BCL11A: variants seen among roughly 807,000 people sequenced by gnomAD.
The protein encoded by BCL11A is B cell CLL/lymphoma 11A.
BCL11A carries 2 observed loss-of-function variants against 55.9 expected under a neutral mutation model. The observed-to-expected ratio is 0.04, with a 90% CI of 0.01 to 0.11. The LOEUF (loss-of-function observed/expected upper bound fraction) is 0.11. BCL11A is among the 10% of genes least tolerant of loss of function. The pLI is 1.00. For synonymous variants in BCL11A, 465 were observed against 473.4 expected (o/e 0.98, Z 0.23); for missense variants, 817 against 1,137.1 (o/e 0.72, Z 4.05).
intron 2 of BCL11A, among the ~76,000 whole-genome samples, chr2:60,538,871 C>T (rs1669793933): frequency 6.6e-6 from 1 of 151,762 alleles, no homozygotes. Context: ...ACGGGAAAAG[C>T]TGGAACTGTG....
chr2:60,505,111 T>C (rs1295478024), intron 2 of BCL11A, among the ~76,000 whole-genome samples: 4 of 151,924 alleles, frequency 2.6e-5, no homozygotes, highest in African/African-American at 9.7e-5. Context: ...ATGAGGTGAG[T>C]CTCAATTTGA....
rs555675164 is a variant in BCL11A, at chr2:60,529,455, C to T, written c.385+16516G>A. Among the ~76,000 whole-genome samples, 5 of 152,252 alleles carry T rather than the reference C, an allele frequency of 3.3e-5. No homozygotes were observed. The East Asian group carries it at 9.6e-4, about 29-fold the overall frequency. ...ACCCTCAGCCTAAACCATTTTATTT[C>T]GTGTAATCAAAGAGAAGAAGAAAAG... On this transcript the variant is annotated intron_variant, in intron 2 of 3. Transcript: ENST00000642384.
Position 60,460,098 on chromosome 2 carries a change from T to C in BCL11A, c.*306A>G. 9.0e-7 allele frequency: 1 copy of C among 1,116,364 alleles called. No individual in the cohort carries two copies. Among genetic ancestry groups the C allele is most frequent in the Non-Finnish European group, 1.1e-6 (1 of 917,466 alleles). The allele number at this position is 1,116,364 out of a possible 1,614,324, so 69.2% of individuals were successfully genotyped here. A position where few individuals can be genotyped will look rare whatever the true frequency, so the allele number is the denominator to read the frequency against. On this transcript the variant is annotated 3_prime_UTR_variant, in exon 4 of 4. Transcript: ENST00000642384. ...GTAAATTATTGCACAAGAGAAAGGC[T>C]CAAAGTTTGCGTAAAATGCAATAGT...
At chr2:60,515,567 C>T (rs1169352761) in intron 2 of BCL11A, among the ~76,000 whole-genome samples, 1 of 152,206 alleles carries the variant, frequency 6.6e-6, no homozygotes, top group Non-Finnish European at 1.5e-5. Context: ...CTGACAGAGT[C>T]AGGCCTTCCT....
At chr2:60,454,543 G>GAACACACAGT (rs1675860367), downstream of BCL11A, among the ~76,000 whole-genome samples, 1 of 152,082 alleles carries the variant, frequency 6.6e-6, no homozygotes, top group Non-Finnish European at 1.5e-5. Flanking sequence ...TCGTAATGAG[G>GAACACACAGT]AACACACAGT....
At chr2:60,462,453 T>C in intron 3 of BCL11A, 29 bp from the exon 4 acceptor site, 1 of 1,565,866 alleles carries the variant, frequency 6.4e-7, no homozygotes, top group Non-Finnish European at 8.6e-7. Flanking sequence ...CCAACATCAA[T>C]GTTTAATCAC....
intron 2 of BCL11A, among the ~76,000 whole-genome samples, chr2:60,484,676 G>A (rs1428371399): frequency 6.6e-6 from 1 of 151,812 alleles, no homozygotes; most frequent in African/African-American, 2.4e-5. Context: ...AAGAGAAGGG[G>A]GAATTTGGAG....
intron 2 of BCL11A, among the ~76,000 whole-genome samples, chr2:60,505,429 A>T (rs1269775887): frequency 1.3e-5 from 2 of 152,224 alleles, no homozygotes; most frequent in East Asian, 3.8e-4. Context: ...AAAATCACTC[A>T]TCAGGTAGTC....
At chr2:60,454,643 T>C (rs1341099451), downstream of BCL11A, among the ~76,000 whole-genome samples, 1 of 152,104 alleles carries the variant, frequency 6.6e-6, no homozygotes, top group Non-Finnish European at 1.5e-5. Context: ...CCTCCCTCAG[T>C]CTCTGTGAGC....
chr2:60,509,136 G>A (rs1238541465), intron 2 of BCL11A, among the ~76,000 whole-genome samples: 1 of 152,206 alleles, frequency 6.6e-6, no homozygotes, highest in African/African-American at 2.4e-5. Flanking sequence ...TGAGAAACAA[G>A]AAAGCAATTT....
intron 2 of BCL11A, among the ~76,000 whole-genome samples, chr2:60,502,552 T>C (rs1679350634): frequency 6.6e-6 from 1 of 152,246 alleles, no homozygotes; most frequent in East Asian, 1.9e-4. Flanking sequence ...AGCTTCCTTC[T>C]CTTATCTTCC....
chr2:60,467,714 A>G (rs1419451406), intron 3 of BCL11A, among the ~76,000 whole-genome samples: 7 of 43,388 alleles, frequency 1.6e-4, no homozygotes, highest in South Asian at 9.0e-4. Context: ...ACTGGTGGTG[A>G]TGGTACTGGT....
chr2:60,455,691 A>T (rs1675908300), downstream of BCL11A, among the ~76,000 whole-genome samples: 2 of 152,236 alleles, frequency 1.3e-5, no homozygotes, highest in South Asian at 4.1e-4. Context: ...TAAGAGCAGC[A>T]TATACTGAGA....
chr2:60,503,860 G>A (rs1679427119), intron 2 of BCL11A, among the ~76,000 whole-genome samples: 1 of 152,172 alleles, frequency 6.6e-6, no homozygotes, highest in Non-Finnish European at 1.5e-5. Context: ...ATATTAAACA[G>A]CAATTCACAT....
intron 2 of BCL11A, among the ~76,000 whole-genome samples, chr2:60,531,770 C>T (rs1300855458): frequency 6.6e-6 from 1 of 152,192 alleles, no homozygotes; most frequent in African/African-American, 2.4e-5. Flanking sequence ...TTCAGCCTTT[C>T]CATGTGGTCG....
intron 2 of BCL11A, chr2:60,495,716 G>A (rs1435847403): frequency 2.6e-5 from 4 of 152,194 alleles, no homozygotes; most frequent in African/African-American, 4.8e-5. Flanking sequence ...TTCCCTAAAA[G>A]TCAAAATATT....
Position 60,458,222 on chromosome 2 carries a change from G to A in BCL11A, c.*2182C>T. 3 of 1,022,928 alleles carry A rather than the reference G, an allele frequency of 2.9e-6. No individual in the cohort carries two copies. Among genetic ancestry groups the A allele is most frequent in the Non-Finnish European group, 3.5e-6 (3 of 852,168 alleles). The allele number at this position is 1,022,928 out of a possible 1,614,324, so 63.4% of individuals were successfully genotyped here. ...TTAGCATAGGAATCAACATGAGTGTGCATTTTCCTATATTTAAGTACTATA... is the reference window on the plus strand; with the variant it reads ...TTAGCATAGGAATCAACATGAGTGTACATTTTCCTATATTTAAGTACTATA... On this transcript the variant is annotated 3_prime_UTR_variant, in exon 4 of 4. Coordinates refer to ENST00000642384, the MANE Select transcript of BCL11A (RefSeq NM_022893.4).
chr2:60,525,617 G>A (rs2104589053), intron 2 of BCL11A: 1 of 152,070 alleles, frequency 6.6e-6, no homozygotes. Flanking sequence ...ACATCATGGG[G>A]ACTTAGAGAC....
chr2:60,537,051 G>T (rs1201686770), intron 2 of BCL11A: 1 of 152,230 alleles, frequency 6.6e-6, no homozygotes, highest in Non-Finnish European at 1.5e-5. Context: ...ACAGCTCCAA[G>T]ATCAGAAGAA....
Sources: allele counts gnomAD v4.1 joint callset (sites outside exome capture counted in the v4.1 genomes callset), GRCh38; gene constraint gnomAD v4.1.1; transcripts MANE v1.5; gene names NCBI Gene and HGNC (gene_info 2026-07-23, HGNC 2026-07-21).